SPOCK1: variants seen among roughly 807,000 people sequenced by gnomAD.
SPOCK1 encodes SPARC (osteonectin), cwcv and kazal like domains proteoglycan 1, also known as testican-1.
Under a neutral mutation model 55.3 loss-of-function variants are expected in SPOCK1, and 23 were observed. The observed-to-expected ratio is 0.42, with a 90% confidence interval of 0.30 to 0.59. SPOCK1 has a LOEUF of 0.59. Among genes scored for constraint, SPOCK1 ranks in the 20% least tolerant of loss-of-function variants. The pLI is 0.22. For missense variants in SPOCK1, 499 were observed against 552.5 expected (o/e 0.90, Z 0.97); for synonymous variants, 226 against 221.0 (o/e 1.02, Z -0.20).
At chr5:136,981,852 C>T (rs976468521) in intron 9 of SPOCK1, among the ~76,000 whole-genome samples, 4 of 152,290 alleles carry the variant, frequency 2.6e-5, no homozygotes, top group African/African-American at 4.8e-5. Flanking sequence ...GGCTATAATT[C>T]GCCCTTACAG....
At chr5:137,189,022 T>A (rs1385228845) in intron 3 of SPOCK1, among the ~76,000 whole-genome samples, 1 of 152,262 alleles carries the variant, frequency 6.6e-6, no homozygotes, top group Non-Finnish European at 1.5e-5. Context: ...TCTCTTCAAT[T>A]CTTTGAAGGC....
intron 3 of SPOCK1, among the ~76,000 whole-genome samples, chr5:137,210,384 C>T (rs1025536442): frequency 6.6e-6 from 1 of 152,068 alleles, no homozygotes; most frequent in African/African-American, 2.4e-5. Context: ...TCTAGGGAAC[C>T]CTTAAGGCAA....
intron 2 of SPOCK1, among the ~76,000 whole-genome samples, chr5:137,291,551 A>G (rs1220233055): frequency 1.3e-5 from 2 of 152,208 alleles, no homozygotes; most frequent in African/African-American, 4.8e-5. Context: ...GAGGTCAGGT[A>G]TGGGCAAAGG....
In SPOCK1 at chr5:137,357,680, G is replaced by T. The variant is rs558606659; in HGVS notation, c.187-90625C>A. On this transcript the variant is annotated intron_variant, in intron 2 of 10. Transcript: ENST00000394945. ...TAAGGATCATGATGCAACCCAGCTT[G>T]TACTGCTGGGACAAGCTGAATATAG... 4.6e-5 allele frequency among the ~76,000 whole-genome samples: 7 copies of T among 152,294 alleles called. No homozygotes were observed. The East Asian group carries it at 1.2e-3, about 25-fold the overall frequency.
intron 2 of SPOCK1, among the ~76,000 whole-genome samples, chr5:137,397,888 C>T (rs1447198203): frequency 6.6e-6 from 1 of 152,172 alleles, no homozygotes; most frequent in Admixed American, 6.5e-5. Context: ...CAGAGGCCAG[C>T]ACTACACTCA....
chr5:137,255,075 A>G (rs899455462), intron 3 of SPOCK1, among the ~76,000 whole-genome samples: 3 of 152,206 alleles, frequency 2.0e-5, no homozygotes, highest in African/African-American at 7.2e-5. Context: ...GTGCATTCTG[A>G]ATTATTGAGT....
chr5:137,222,255 C>T (rs1463926261), intron 3 of SPOCK1, among the ~76,000 whole-genome samples: 1 of 152,158 alleles, frequency 6.6e-6, no homozygotes, highest in Non-Finnish European at 1.5e-5. Context: ...TTCCCGCCCC[C>T]ACTTCAGAGT....
chr5:137,355,733 C>A (rs1750777538), intron 2 of SPOCK1, among the ~76,000 whole-genome samples: 1 of 152,124 alleles, frequency 6.6e-6, no homozygotes, highest in Non-Finnish European at 1.5e-5. Context: ...CACCCCCCCA[C>A]ACCACTCTTC....
At chr5:137,323,614 G>T (rs1349657630) in intron 2 of SPOCK1, among the ~76,000 whole-genome samples, 1 of 151,412 alleles carries the variant, frequency 6.6e-6, no homozygotes, top group African/African-American at 2.4e-5. Context: ...AATATATCAA[G>T]AACTCAAATA....
At chr5:137,446,618 A>G (rs1753133537) in intron 2 of SPOCK1, among the ~76,000 whole-genome samples, 1 of 152,226 alleles carries the variant, frequency 6.6e-6, no homozygotes, top group East Asian at 1.9e-4. Flanking sequence ...ACAAGTCAAC[A>G]TGGCTTAGAA....
At chr5:136,984,889 G>GCAGT (rs1750809125) in intron 9 of SPOCK1, among the ~76,000 whole-genome samples, 1 of 152,230 alleles carries the variant, frequency 6.6e-6, no homozygotes, top group African/African-American at 2.4e-5. Context: ...GGAGGAGTTA[G>GCAGT]CAGTGGGGAA....
At chr5:137,409,076 G>C (rs182016891) in intron 2 of SPOCK1, among the ~76,000 whole-genome samples, 2 of 152,230 alleles carry the variant, frequency 1.3e-5, no homozygotes, top group Admixed American at 1.3e-4. Flanking sequence ...AAGTCTGAAG[G>C]AATCCAGGCC....
chr5:137,453,365 C>T lies in SPOCK1; in HGVS notation c.186+45008G>A, dbSNP rs542260975. ...AATTCCCTGTGTGCTCTCTGTGATACTCTTGGGTAGCTACAGGAAAGAAAA... is the reference window on the plus strand; with the variant it reads ...AATTCCCTGTGTGCTCTCTGTGATATTCTTGGGTAGCTACAGGAAAGAAAA... On this transcript the variant is annotated intron_variant, in intron 2 of 10. Transcript: ENST00000394945. Among the ~76,000 whole-genome samples the T allele has an allele frequency of 2.0e-5, 3 of 152,294 alleles. No individual in the cohort carries two copies. In the East Asian group the frequency reaches 5.8e-4, roughly 29 times the overall value.
At chr5:137,063,721 T>C (rs1561595825) in intron 6 of SPOCK1, among the ~76,000 whole-genome samples, 1 of 152,224 alleles carries the variant, frequency 6.6e-6, no homozygotes, top group Non-Finnish European at 1.5e-5. Flanking sequence ...GAGGTGATTC[T>C]GAAACCTGAG....
chr5:137,304,364 C>T (rs764391965), intron 2 of SPOCK1, among the ~76,000 whole-genome samples: 21 of 152,206 alleles, frequency 1.4e-4, no homozygotes, highest in Admixed American at 1.2e-3. Flanking sequence ...TAAACAGCAG[C>T]TCACAAGCCC....
chr5:137,224,294 C>G (rs532572798), intron 3 of SPOCK1, among the ~76,000 whole-genome samples: 13 of 152,214 alleles, frequency 8.5e-5, no homozygotes, highest in Non-Finnish European at 1.9e-4. Flanking sequence ...CAATATAAAT[C>G]TGGAAAATGG....
At chr5:137,387,006 AACAG>A (rs560770289) in intron 2 of SPOCK1, among the ~76,000 whole-genome samples, 11 of 152,360 alleles carry the variant, frequency 7.2e-5, no homozygotes, top group African/African-American at 2.4e-4. Context: ...CAAAGACCTT[AACAG>A]ACAGTTTACA....
intron 3 of SPOCK1, among the ~76,000 whole-genome samples, chr5:137,260,158 G>T (rs1756720062): frequency 6.6e-6 from 1 of 152,122 alleles, no homozygotes; most frequent in South Asian, 2.1e-4. Context: ...GCCCAAAGTT[G>T]CACATTTTAA....
chr5:137,078,514 G>A (rs1290050250), intron 5 of SPOCK1, among the ~76,000 whole-genome samples: 1 of 152,144 alleles, frequency 6.6e-6, no homozygotes, highest in African/African-American at 2.4e-5. Context: ...GAAACTCTCT[G>A]CCCAGGATCT....
Sources: allele counts gnomAD v4.1 joint callset (sites outside exome capture counted in the v4.1 genomes callset), GRCh38; gene constraint gnomAD v4.1.1; transcripts MANE v1.5; gene names NCBI Gene and HGNC (gene_info 2026-07-23, HGNC 2026-07-21).